CA5B: variants seen among roughly 807,000 people sequenced by gnomAD.
The protein encoded by CA5B is carbonic anhydrase 5B, also known as carbonic anhydrase 5B, mitochondrial.
A neutral mutation model predicts 23.1 loss-of-function variants in CA5B; 15 were observed. The ratio of observed to expected loss-of-function variants is 0.65; its 90% CI spans 0.43 to 1.00. CA5B has a LOEUF of 1.00. Among genes scored for constraint, CA5B ranks in the 50% least tolerant of loss-of-function variants. The pLI, the probability that CA5B is intolerant of heterozygous loss-of-function variation, is 0.00. For synonymous variants in CA5B, 84 were observed against 98.5 expected (o/e 0.85, Z 0.87); for missense variants, 236 against 252.2 (o/e 0.94, Z 0.43).
In CA5B at chrX:15,788,257, TGAG is replaced by T. The variant is rs769720607; in HGVS notation, c.*5595_*5597del. On this transcript the variant is annotated 3_prime_UTR_variant, in exon 8 of 8. Coordinates refer to ENST00000318636, the MANE Select transcript of CA5B (RefSeq NM_007220.4). ...ATGCATACAGCGCCTCATCCCCTCT[TGAG>T]GGGTCAGGAAGTTTTCACACTAATG... is the stretch of plus-strand genomic sequence containing the variant. 22 of 111,879 alleles carry T rather than the reference TGAG, an allele frequency of 2.0e-4. No individual in the cohort carries two copies. Among genetic ancestry groups the T allele is most frequent in the African/African-American group, 7.1e-4 (22 of 30,809 alleles). 9.2% of individuals were successfully genotyped at this position (111,879 alleles called of 1,213,427 possible).
chrX:15,753,117 C>T (rs762592370), intron 2 of CA5B, among the ~76,000 whole-genome samples: 50 of 112,128 alleles, frequency 4.5e-4, no homozygotes, highest in Non-Finnish European at 8.6e-4. Context: ...ACCCTGAGCA[C>T]CATGAGCACA....
intron 7 of CA5B, 30 bp from the exon 8 acceptor site, chrX:15,782,455 A>T: frequency 1.7e-6 from 2 of 1,172,113 alleles, no homozygotes; most frequent in Non-Finnish European, 2.3e-6. Context: ...TTCTGTTGAA[A>T]TTATTTATGC....
chrX:15,753,315 T>A (rs992469707), intron 2 of CA5B, among the ~76,000 whole-genome samples: 7 of 112,924 alleles, frequency 6.2e-5, no homozygotes, highest in Non-Finnish European at 1.1e-4. Context: ...GATTTTCTGT[T>A]TGGCAGTTGG....
At chrX:15,758,931 A>T (rs1291555424) in intron 2 of CA5B, among the ~76,000 whole-genome samples, 1 of 112,298 alleles carries the variant, frequency 8.9e-6, no homozygotes, top group East Asian at 2.8e-4. Flanking sequence ...TGAGGAAGGC[A>T]GATAATTAGA....
At chrX:15,767,113 C>G (rs1931724520) in intron 3 of CA5B, 1 of 855,208 alleles carries the variant, frequency 1.2e-6, no homozygotes, top group African/African-American at 2.1e-5. Context: ...AGGATACCAA[C>G]CCTCATCCAT....
At chrX:15,749,419 T>C (rs1032527217) in intron 1 of CA5B, among the ~76,000 whole-genome samples, 1 of 112,251 alleles carries the variant, frequency 8.9e-6, no homozygotes, top group Non-Finnish European at 1.9e-5. Context: ...CAAAGAGTCA[T>C]AGATTATATT....
At chrX:15,746,886 C>A (rs2147253751) in intron 1 of CA5B, among the ~76,000 whole-genome samples, 1 of 111,287 alleles carries the variant, frequency 9.0e-6, no homozygotes, top group Admixed American at 9.5e-5. Context: ...ATCTCAAGCG[C>A]TGATCTTAGG....
chrX:15,767,243 G>T (rs1294111267), intron 3 of CA5B: 1 of 138,392 alleles, frequency 7.2e-6, no homozygotes, highest in East Asian at 2.7e-4. Flanking sequence ...ACAGTATAGG[G>T]ACTGTCTGTT....
At chrX:15,780,367 C>T (rs5980188) in intron 7 of CA5B, among the ~76,000 whole-genome samples, 1 of 107,702 alleles carries the variant, frequency 9.3e-6, no homozygotes, top group Non-Finnish European at 1.9e-5. Flanking sequence ...CTGCCTTGCA[C>T]GTTCAAGCAA....
chrX:15,785,109 C>T lies in CA5B; in HGVS notation c.*2445C>T, dbSNP rs972133802. ...GTGCACTGTTGGTGGTAATGTAAAA[C>T]GGTGCAGTCATTACGGAAAACAGTA... On this transcript the variant is annotated 3_prime_UTR_variant, in exon 8 of 8. Transcript: ENST00000318636. 2.7e-5 allele frequency: 3 copies of T among 111,771 alleles called. No individual in the cohort carries two copies. The highest frequency in any genetic ancestry group is 9.5e-5 in the Admixed American group (1 of 10,528). The allele number at this position is 111,771 out of a possible 1,213,427, so 9.2% of individuals were successfully genotyped here.
In CA5B at chrX:15,776,060, C is replaced by G. The variant is rs113179526; in HGVS notation, c.619-654C>G. 30 of 741,911 alleles carry G rather than the reference C, an allele frequency of 4.0e-5. 1 individual carries two copies. Among genetic ancestry groups the G allele is most frequent in the African/African-American group, 4.0e-4 (17 of 42,747 alleles). The allele number at this position is 741,911 out of a possible 1,213,427, so 61.1% of individuals were successfully genotyped here. On this transcript the variant is annotated intron_variant, in intron 6 of 7. Coordinates refer to ENST00000318636, the MANE Select transcript of CA5B (RefSeq NM_007220.4). ...CTCTCGAAAATGCAAAGCCTCCAAC[C>G]GGGCGCAGTGGCTCACGCCTGTAAT... is the stretch of plus-strand genomic sequence containing the variant.
At chrX:15,753,936 G>A (rs929258477) in intron 2 of CA5B, among the ~76,000 whole-genome samples, 4 of 112,326 alleles carry the variant, frequency 3.6e-5, no homozygotes, top group Middle Eastern at 4.6e-3. Context: ...GAATTTCGGG[G>A]TAAAATACTT....
At chrX:15,770,737 CTT>C (rs1931800742) in intron 3 of CA5B, among the ~76,000 whole-genome samples, 1 of 106,666 alleles carries the variant, frequency 9.4e-6, no homozygotes, top group Non-Finnish European at 2.0e-5. Flanking sequence ...CTCTCTCTTT[CTT>C]TCTTTCCTTT....
At chrX:15,764,509 G>A in intron 2 of CA5B, 69 bp from the exon 3 acceptor site, 6 of 1,184,007 alleles carry the variant, frequency 5.1e-6, no homozygotes, top group Non-Finnish European at 6.8e-6. Context: ...CCAAGTGCTG[G>A]GATTATAGGA....
intron 3 of CA5B, among the ~76,000 whole-genome samples, chrX:15,768,039 C>A (rs1036587548): frequency 9.2e-6 from 1 of 108,126 alleles, no homozygotes; most frequent in Non-Finnish European, 1.9e-5. Context: ...GCTGGGATTA[C>A]AGGCACATGC....
intron 2 of CA5B, chrX:15,762,641 G>C (rs764577084): frequency 1.8e-5 from 5 of 275,110 alleles, no homozygotes; most frequent in Non-Finnish European, 3.6e-5. Context: ...ACTGTGTCTC[G>C]ATCTCCTGAC....
At chrX:15,774,825 G>A (rs1272434860) in intron 5 of CA5B, among the ~76,000 whole-genome samples, 5 of 111,441 alleles carry the variant, frequency 4.5e-5, no homozygotes, top group Non-Finnish European at 7.5e-5. Context: ...GCAACAGAGC[G>A]AGACTCCATC....
chrX:15,751,894 C>G (rs1300155620), intron 2 of CA5B, among the ~76,000 whole-genome samples: 1 of 111,787 alleles, frequency 8.9e-6, no homozygotes, highest in Non-Finnish European at 1.9e-5. Flanking sequence ...TTGTTTCTGA[C>G]AGCTCAATAC....
chrX:15,744,284 A>C (rs1931180522), intron 1 of CA5B, among the ~76,000 whole-genome samples: 1 of 112,704 alleles, frequency 8.9e-6, no homozygotes, highest in South Asian at 3.7e-4. Context: ...GAGCAGAGTC[A>C]AGGGTCATTT....
Sources: allele counts gnomAD v4.1 joint callset (sites outside exome capture counted in the v4.1 genomes callset), GRCh38; gene constraint gnomAD v4.1.1; transcripts MANE v1.5; gene names NCBI Gene and HGNC (gene_info 2026-07-23, HGNC 2026-07-21).